Variants in NDUFS7 observed in about 807,000 individuals in gnomAD.
The protein encoded by NDUFS7 is NADH dehydrogenase [ubiquinone] iron-sulfur protein 7, mitochondrial.
In NDUFS7, 11 loss-of-function variants were observed where a neutral mutation model predicts 31.1. That is an observed-to-expected ratio of 0.35 (90% CI 0.22 to 0.59). The LOEUF (loss-of-function observed/expected upper bound fraction) is 0.59. Among genes scored for constraint, NDUFS7 ranks in the 20% least tolerant of loss-of-function variants. NDUFS7 has a pLI of 0.79. For synonymous variants in NDUFS7, 136 were observed against 127.9 expected (o/e 1.06, Z -0.43); for missense variants, 263 against 324.2 (o/e 0.81, Z 1.45).
chr19:1,393,848 T>G lies in NDUFS7; in HGVS notation c.544+518T>G. The G allele has an allele frequency of 3.6e-6, 1 of 277,578 alleles. No individual in the cohort carries two copies. Among genetic ancestry groups the G allele is most frequent in the East Asian group, 8.6e-5 (1 of 11,588 alleles). The allele number at this position is 277,578 out of a possible 1,614,324, so 17.2% of individuals were successfully genotyped here. A position where few individuals can be genotyped will look rare whatever the true frequency, so the allele number is the denominator to read the frequency against. On this transcript the variant is annotated intron_variant, in intron 7 of 7. Coordinates refer to ENST00000233627, the MANE Select transcript of NDUFS7 (RefSeq NM_024407.5). The surrounding 1 kb of genome is among the most constrained non-coding windows in gnomAD (Gnocchi z 7.3). ...TAGTACGAGTATATCCCAACAATAT[T>G]TGGGCTATACTGACACTAAAAAGAG...
At chr19:1,386,122 T>A (rs1401405454) in intron 1 of NDUFS7, among the ~76,000 whole-genome samples, 1 of 151,864 alleles carries the variant, frequency 6.6e-6, no homozygotes, top group African/African-American at 2.4e-5. Context: ...AAGGCTGGGG[T>A]GAGGGAGGGG....
Position 1,390,854 on chromosome 19 carries a change from G to C in NDUFS7, c.229-17G>C, listed in dbSNP as rs769069939. On this transcript the variant is annotated splice_polypyrimidine_tract_variant and intron_variant, in intron 4 of 7. Transcript: ENST00000233627. ...GGGCTCCGGGGGTGGCGTCTGACCC[G>C]AGCCCGGCCTCCGCAGAGTTCTCTG... The C allele has an allele frequency of 5.0e-6, 8 of 1,604,390 alleles. No homozygotes were observed. The African/African-American group carries it at 9.4e-5, about 19-fold the overall frequency.
Position 1,393,423 on chromosome 19 carries a change from C to G in NDUFS7, c.544+93C>G, listed in dbSNP as rs1462855686. 1.9e-6 allele frequency: 2 copies of G among 1,064,762 alleles called. No individual in the cohort carries two copies. Among genetic ancestry groups the G allele is most frequent in the Non-Finnish European group, 2.8e-6 (2 of 716,198 alleles). The allele number at this position is 1,064,762 out of a possible 1,614,324, so 66.0% of individuals were successfully genotyped here. A position where few individuals can be genotyped will look rare whatever the true frequency, so the allele number is the denominator to read the frequency against. ...GCCCCTGTGAGGGAGTCCCACACCC[C>G]CAGCAGACGGCGGGCTCCCCCATCC... On this transcript the variant is annotated intron_variant, in intron 7 of 7. Transcript: ENST00000233627. The surrounding 1 kb of genome is among the most constrained non-coding windows in gnomAD (Gnocchi z 7.3).
intron 4 of NDUFS7, chr19:1,389,269 A>G (rs1568990149): frequency 4.8e-6 from 3 of 621,436 alleles, no homozygotes; most frequent in Non-Finnish European, 9.0e-6. Flanking sequence ...ATACACATGC[A>G]CACGCACACT....
At chr19:1,391,643 C>T (rs1258563535) in intron 6 of NDUFS7, among the ~76,000 whole-genome samples, 2 of 151,330 alleles carry the variant, frequency 1.3e-5, no homozygotes, top group Non-Finnish European at 2.9e-5. Context: ...TGCACCACCA[C>T]ACCCAGCTAA....
In NDUFS7 at chr19:1,395,572, T is replaced by A; in HGVS notation, c.*84T>A. The stretch of plus-strand genomic sequence containing the variant: ...CGTGAGGTTGTCAATAAACCTGCCC[T>A]CGGGCTGCCGCCTCCCAGTGTGGTG... On this transcript the variant is annotated 3_prime_UTR_variant, in exon 8 of 8. Coordinates refer to ENST00000233627, the MANE Select transcript of NDUFS7 (RefSeq NM_024407.5). 6.8e-7 allele frequency: 1 copy of A among 1,464,458 alleles called. No individual in the cohort carries two copies. The highest frequency in any genetic ancestry group is 9.3e-7 in the Non-Finnish European group (1 of 1,073,300). The allele number at this position is 1,464,458 out of a possible 1,614,324, so 90.7% of individuals were successfully genotyped here.
At chr19:1,384,483 C>G (rs1305571325) in intron 1 of NDUFS7, among the ~76,000 whole-genome samples, 1 of 152,228 alleles carries the variant, frequency 6.6e-6, no homozygotes, top group Non-Finnish European at 1.5e-5. Flanking sequence ...CTGAAGCCTG[C>G]GGACCTCTGC....
At chr19:1,384,299 G>A in intron 1 of NDUFS7, 1 of 353,452 alleles carries the variant, frequency 2.8e-6, no homozygotes, top group Non-Finnish European at 5.1e-6. Context: ...TGCCTGACAG[G>A]CTGGGAAACT....
Position 1,391,104 on chromosome 19 carries a change from C to G in NDUFS7, c.409-15C>G, listed in dbSNP as rs2082553926. 2 of 1,612,562 alleles carry G rather than the reference C, an allele frequency of 1.2e-6. No individual in the cohort carries two copies. Among genetic ancestry groups the G allele is most frequent in the African/African-American group, 1.3e-5 (1 of 74,912 alleles). ...CCCCAGAGTGAGCTGCGCACGGACC[C>G]CGCCTCTCTTCCAGGTCTACGACCA... On this transcript the variant is annotated splice_polypyrimidine_tract_variant and intron_variant, in intron 5 of 7. Transcript: ENST00000233627.
intron 6 of NDUFS7, chr19:1,392,216 A>C (rs922517734): frequency 3.3e-5 from 5 of 152,198 alleles, no homozygotes; most frequent in African/African-American, 1.2e-4. Flanking sequence ...GCAGTGGTGC[A>C]GTCATAGCTC....
In NDUFS7 at chr19:1,387,794, C is replaced by T. The variant is rs763056833; in HGVS notation, c.17-17C>T. On this transcript the variant is annotated splice_polypyrimidine_tract_variant and intron_variant, in intron 1 of 7. Coordinates refer to ENST00000233627, the MANE Select transcript of NDUFS7 (RefSeq NM_024407.5). ...TGCCCGCAGCTCACTGTTCCCACCC[C>T]GTGGTCCTCTCTGCAGCTCCTGGCC... 2.4e-5 allele frequency: 38 copies of T among 1,611,118 alleles called. No homozygotes were observed. The highest frequency in any genetic ancestry group is 3.3e-5 in the Admixed American group (2 of 60,016).
At position 1,388,519 on chromosome 19, in the gene NDUFS7, C is replaced by T. The variant is rs372999514; in HGVS notation, c.54-6C>T. On this transcript the variant is annotated splice_polypyrimidine_tract_variant and splice_region_variant and intron_variant, in intron 2 of 7. Transcript: ENST00000233627. Reference sequence around the variant, plus strand: ...AGCCACTGACCCGCGTTCCATCTCCCGGCAGCTCCAGCGTGGGCCCGGCTG... The same window carrying T: ...AGCCACTGACCCGCGTTCCATCTCCTGGCAGCTCCAGCGTGGGCCCGGCTG... 3.9e-5 allele frequency: 63 copies of T among 1,610,804 alleles called. No individual in the cohort carries two copies. The highest frequency in any genetic ancestry group is 3.3e-4 in the African/African-American group (25 of 74,908).
chr19:1,395,309 C>T (rs2082589021), intron 7 of NDUFS7, 82 bp from the exon 8 acceptor site: 1 of 1,523,888 alleles, frequency 6.6e-7, no homozygotes, highest in Non-Finnish European at 8.8e-7. Flanking sequence ...GGAAACCCTT[C>T]CAAAGCCGAG....
At chr19:1,394,259 G>A in intron 7 of NDUFS7, 5 of 818,648 alleles carry the variant, frequency 6.1e-6, no homozygotes, top group Non-Finnish European at 8.8e-6. Flanking sequence ...GTCACCCCGG[G>A]GGCAGTGGAG....
At chr19:1,390,398 C>T (rs1226334006) in intron 4 of NDUFS7, 7 of 226,624 alleles carry the variant, frequency 3.1e-5, no homozygotes, top group East Asian at 2.4e-4. Flanking sequence ...AGAGCGGGAA[C>T]GGTGGGGGAA....
chr19:1,385,619 G>A (rs1022669493), intron 1 of NDUFS7, among the ~76,000 whole-genome samples: 16 of 152,182 alleles, frequency 1.1e-4, no homozygotes, highest in Admixed American at 2.0e-4. Flanking sequence ...GGGAGTTCAA[G>A]ACCAGCCTGA....
At chr19:1,391,215 G>T in intron 6 of NDUFS7, 50 bp downstream of exon 6, 2 of 1,590,034 alleles carry the variant, frequency 1.3e-6, no homozygotes, top group Non-Finnish European at 1.7e-6. Context: ...GTGAGTGCTG[G>T]CCTGGCCGTG....
At position 1,393,610 on chromosome 19, in the gene NDUFS7, G is replaced by C; in HGVS notation, c.544+280G>C. 1.6e-6 allele frequency: 1 copy of C among 607,162 alleles called. No homozygotes were observed. The highest frequency in any genetic ancestry group is 2.8e-5 in the East Asian group (1 of 36,346). 37.6% of individuals were successfully genotyped at this position (607,162 alleles called of 1,614,324 possible). A position where few individuals can be genotyped will look rare whatever the true frequency, so the allele number is the denominator to read the frequency against. On this transcript the variant is annotated intron_variant, in intron 7 of 7. Coordinates refer to ENST00000233627, the MANE Select transcript of NDUFS7 (RefSeq NM_024407.5). The surrounding 1 kb of genome is among the most constrained non-coding windows in gnomAD (Gnocchi z 7.3). ...CAGCAGTTTCATATGGTCCTACCTGGCACAAACCAAAGACCTGCAGTTAGA... is the reference window on the plus strand; with the variant it reads ...CAGCAGTTTCATATGGTCCTACCTGCCACAAACCAAAGACCTGCAGTTAGA...
intron 2 of NDUFS7, chr19:1,388,190 G>A (rs574647601): frequency 5.5e-5 from 32 of 586,802 alleles, no homozygotes; most frequent in East Asian, 3.1e-4. Context: ...CTGACAGGGC[G>A]GTGAGGGCGC....
Sources: allele counts gnomAD v4.1 joint callset (sites outside exome capture counted in the v4.1 genomes callset), GRCh38; gene constraint gnomAD v4.1.1; non-coding constraint Gnocchi (gnomAD v3.1); transcripts MANE v1.5; gene names NCBI Gene and HGNC (gene_info 2026-07-23, HGNC 2026-07-21).